The following KIT variants were observed in gnomAD, a reference collection of about 807,000 sequenced individuals.
KIT encodes the protein KIT proto-oncogene, receptor tyrosine kinase, also known as mast/stem cell growth factor receptor Kit.
KIT carries 16 observed loss-of-function variants against 105.7 expected under a neutral mutation model. The ratio of observed to expected loss-of-function variants is 0.15; its 90% CI spans 0.10 to 0.23. The LOEUF is 0.23. Among genes scored for constraint, KIT ranks in the 10% least tolerant of loss-of-function variants. The pLI, the probability that KIT is intolerant of heterozygous loss-of-function variation, is 1.00. For synonymous variants in KIT, 438 were observed against 441.1 expected (o/e 0.99, Z 0.09); for missense variants, 858 against 1,213.8 (o/e 0.71, Z 4.36).
intron 15 of KIT, 28 bp from the exon 16 acceptor site, chr4:54,731,843 G>T (rs377036433): frequency 1.2e-6 from 2 of 1,612,002 alleles, no homozygotes; most frequent in Non-Finnish European, 1.7e-6. Context: ...GGTTGTAATT[G>T]CTAAGAAAAA....
At chr4:54,703,702 T>C (rs571756237) in intron 4 of KIT, 22 bp from the exon 5 acceptor site, 16 of 1,602,484 alleles carry the variant, frequency 1.0e-5, no homozygotes, top group African/African-American at 2.7e-5. Context: ...CATTTTTTTT[T>C]CTCCTTTTCT....
At chr4:54,663,134 CCTTT>C (rs1392320217) in intron 1 of KIT, among the ~76,000 whole-genome samples, 1 of 152,126 alleles carries the variant, frequency 6.6e-6, no homozygotes, top group Non-Finnish European at 1.5e-5. Flanking sequence ...CCCATGCATA[CCTTT>C]CTGACAGGTT....
intron 1 of KIT, among the ~76,000 whole-genome samples, chr4:54,676,662 G>T (rs10488846): frequency 0.096 from 14,623 of 152,162 alleles, 984 homozygotes; most frequent in African/African-American, 0.19. Flanking sequence ...ATTAAAACCT[G>T]TCAGAGACTG....
At chr4:54,681,564 T>G (rs1015046638) in intron 1 of KIT, among the ~76,000 whole-genome samples, 3 of 152,116 alleles carry the variant, frequency 2.0e-5, no homozygotes, top group African/African-American at 7.2e-5. Context: ...CCTATGAAGG[T>G]CTTTGCTGCT....
At chr4:54,735,389 A>G (rs1463260193) in intron 17 of KIT, among the ~76,000 whole-genome samples, 2 of 121,684 alleles carry the variant, frequency 1.6e-5, no homozygotes, top group Non-Finnish European at 3.6e-5. Flanking sequence ...GAAAAAAAAA[A>G]AAAGCTTTCC....
intron 1 of KIT, among the ~76,000 whole-genome samples, chr4:54,681,810 C>T (rs1267670908): frequency 3.3e-5 from 5 of 151,938 alleles, no homozygotes; most frequent in African/African-American, 7.3e-5. Flanking sequence ...GAGGCCAAGT[C>T]GGGTGGATCA....
At chr4:54,678,352 C>G (rs1392861822) in intron 1 of KIT, among the ~76,000 whole-genome samples, 1 of 55,992 alleles carries the variant, frequency 1.8e-5, no homozygotes, top group African/African-American at 6.2e-5. Context: ...TTCCTTCCTT[C>G]CCTCCCTCCC....
At chr4:54,716,765 G>A (rs899255882) in intron 7 of KIT, among the ~76,000 whole-genome samples, 10 of 152,128 alleles carry the variant, frequency 6.6e-5, no homozygotes, top group South Asian at 6.2e-4. Flanking sequence ...TATAATTATC[G>A]TGTTTAATGT....
chr4:54,675,196 T>C (rs916281107), intron 1 of KIT, among the ~76,000 whole-genome samples: 1 of 152,222 alleles, frequency 6.6e-6, no homozygotes, highest in Admixed American at 6.5e-5. Context: ...AGAATTGACC[T>C]CTTACCCCTC....
chr4:54,704,013 A>G (rs1720626856), intron 5 of KIT, 121 bp downstream of exon 5: 4 of 894,730 alleles, frequency 4.5e-6, no homozygotes, highest in Non-Finnish European at 7.4e-6. Context: ...TTATCACTGA[A>G]TGAATGAAAA....
chr4:54,700,335 A>G (rs1393934322), intron 4 of KIT, among the ~76,000 whole-genome samples: 1 of 152,192 alleles, frequency 6.6e-6, no homozygotes, highest in Non-Finnish European at 1.5e-5. Flanking sequence ...AGTCACTATT[A>G]ATAAAACTGT....
rs746304506 is a variant in KIT at position 54,723,651 on chromosome 4, C to T, written c.1299C>T (p.Phe433=). The T allele has an allele frequency of 1.2e-6, 2 of 1,614,000 alleles. No homozygotes were observed. Among genetic ancestry groups the T allele is most frequent in the Non-Finnish European group, 1.7e-6 (2 of 1,179,928 alleles). ...TGCTCCAATGTGTGGCAGCAGGATTCCCAGAGCCCACAATAGATTGGTATT... is the reference window on the plus strand; with the variant it reads ...TGCTCCAATGTGTGGCAGCAGGATTTCCAGAGCCCACAATAGATTGGTATT... ...NGMLQCVAAG[F]PEPTIDWYFC... Residue 433 remains phenylalanine (F), a synonymous_variant, in exon 8 of 21, where the codon TTC becomes TTT. Coordinates refer to ENST00000288135, the MANE Select transcript of KIT (RefSeq NM_000222.3).
intron 4 of KIT, among the ~76,000 whole-genome samples, chr4:54,701,390 A>T (rs527296787): frequency 1.3e-5 from 2 of 151,140 alleles, no homozygotes; most frequent in African/African-American, 4.8e-5. Context: ...AAAAATCCAT[A>T]ATATTTTATT....
chr4:54,698,226 T>G, intron 2 of KIT, 58 bp from the exon 3 acceptor site: 1 of 1,520,586 alleles, frequency 6.6e-7, no homozygotes, highest in Non-Finnish European at 9.1e-7. Flanking sequence ...TTTTAAAAAG[T>G]GTTTTCAGTG....
At chr4:54,735,393 G>A (rs77402429) in intron 17 of KIT, among the ~76,000 whole-genome samples, 5 of 117,216 alleles carry the variant, frequency 4.3e-5, no homozygotes, top group Non-Finnish European at 7.5e-5. Context: ...AAAAAAAAAA[G>A]CTTTCCCAGT....
rs1720223149 is a variant in KIT at position 54,698,352 on chromosome 4, T to C, written c.406T>C (p.Cys136Arg). The stretch of plus-strand genomic sequence containing the variant: ...AGAAGACAACGACACGCTGGTCCGC[T>C]GTCCTCTCACAGACCCAGAAGTGAC... ...GKEDNDTLVR[C>R]PLTDPEVTNY... The change falls in exon 3 of 21, where the codon TGT becomes CGT. Residue 136 changes from cysteine (C) to arginine (R), a missense_variant. Physicochemically the swap from Cys to Arg is radical, Grantham distance 180. This residue lies in a region of KIT where 401 missense variants were observed against 601.0 expected (regional missense o/e 0.67). Coordinates refer to ENST00000288135, the MANE Select transcript of KIT (RefSeq NM_000222.3). 4 of 1,614,204 alleles carry C rather than the reference T, an allele frequency of 2.5e-6. No homozygotes were observed. Among genetic ancestry groups the C allele is most frequent in the African/African-American group, 1.3e-5 (1 of 75,064 alleles).
chr4:54,732,871 A>ATAATAATTAGTCTAT (rs1722697365), intron 16 of KIT, among the ~76,000 whole-genome samples, 199 bp from the exon 17 acceptor site: 1 of 152,226 alleles, frequency 6.6e-6, no homozygotes, highest in African/African-American at 2.4e-5. Context: ...AAAAGAGATT[A>ATAATAATTAGTCTAT]TAATAATTAG....
Position 54,739,416 on chromosome 4 carries a change from A to C in KIT, c.*859A>C, listed in dbSNP as rs1302081297. 8.6e-6 allele frequency: 2 copies of C among 233,416 alleles called. No homozygotes were observed. Among genetic ancestry groups the C allele is most frequent in the Non-Finnish European group, 1.7e-5 (2 of 117,892 alleles). 14.5% of individuals were successfully genotyped at this position (233,416 alleles called of 1,614,324 possible). On this transcript the variant is annotated 3_prime_UTR_variant, in exon 21 of 21. Transcript: ENST00000288135. ...TATAACCACAAAGCACAGTTTGAAC[A>C]AAATCTCCTCTTTTAGCTGATGAAC...
chr4:54,673,978 C>T (rs1718293623), intron 1 of KIT, among the ~76,000 whole-genome samples: 1 of 152,154 alleles, frequency 6.6e-6, no homozygotes, highest in African/African-American at 2.4e-5. Context: ...ACCATGTTGG[C>T]CAGACTGGTC....
Sources: gnomAD v4.1 joint callset for allele counts (sites outside exome capture counted in the v4.1 genomes callset) on GRCh38, gnomAD v4.1.1 for gene constraint, gnomAD v4.1.1 regional missense constraint, MANE v1.5 for transcripts, NCBI Gene and HGNC (gene_info 2026-07-23, HGNC 2026-07-21) for gene names.